NTRK3: variants seen among roughly 807,000 people sequenced by gnomAD.
NTRK3 encodes the protein neurotrophic receptor tyrosine kinase 3, also known as NT-3 growth factor receptor.
In NTRK3, 24 loss-of-function variants were observed where a neutral mutation model predicts 91.7. That is an observed-to-expected ratio of 0.26 (90% CI 0.19 to 0.37). The LOEUF (loss-of-function observed/expected upper bound fraction) is 0.37, where lower values mean the gene tolerates loss of function less well. NTRK3 is among the 10% of genes least tolerant of loss of function. The pLI, the probability that NTRK3 is intolerant of heterozygous loss-of-function variation, is 1.00. For synonymous variants in NTRK3, 483 were observed against 404.0 expected (o/e 1.20, Z -2.34); for missense variants, 880 against 1,068.9 (o/e 0.82, Z 2.46).
At chr15:87,977,705 G>A (rs2073846356) in intron 14 of NTRK3, 2 of 231,856 alleles carry the variant, frequency 8.6e-6, no homozygotes, top group Non-Finnish European at 8.5e-6. Flanking sequence ...GAGCCCTGGA[G>A]AGAACCTGAA....
intron 14 of NTRK3, among the ~76,000 whole-genome samples, chr15:88,009,103 A>C (rs1244000495): frequency 6.6e-6 from 1 of 152,222 alleles, no homozygotes; most frequent in East Asian, 1.9e-4. Flanking sequence ...CATGTTTTTG[A>C]GGCTTATAGC....
intron 14 of NTRK3, among the ~76,000 whole-genome samples, chr15:87,985,615 G>A (rs1190955591): frequency 6.6e-6 from 1 of 152,138 alleles, no homozygotes; most frequent in Admixed American, 6.6e-5. Context: ...GCATGCCACG[G>A]TTGCCAAGTC....
intron 15 of NTRK3, among the ~76,000 whole-genome samples, chr15:87,936,959 C>T (rs141463732): frequency 1.3e-3 from 204 of 152,294 alleles, no homozygotes; most frequent in South Asian, 0.012. Flanking sequence ...TCTCTCTTTG[C>T]GTCCTGTCCT....
intron 5 of NTRK3, among the ~76,000 whole-genome samples, chr15:88,177,806 T>C (rs1256370490): frequency 6.6e-6 from 1 of 152,230 alleles, no homozygotes; most frequent in Non-Finnish European, 1.5e-5. Flanking sequence ...CCAACATGTG[T>C]TGGGAGGAAA....
At chr15:88,183,012 A>ACCCCACCCCCC (rs2046632810) in intron 5 of NTRK3, among the ~76,000 whole-genome samples, 1 of 119,884 alleles carries the variant, frequency 8.3e-6, no homozygotes. Flanking sequence ...TCTTCTTGCA[A>ACCCCACCCCCC]CCCCCCCCCG....
At chr15:87,940,570 C>T (rs2069732344) in intron 15 of NTRK3, 53 bp downstream of exon 15, 7 of 1,612,088 alleles carry the variant, frequency 4.3e-6, no homozygotes, top group African/African-American at 4.0e-5. Context: ...TCCTTCCCTC[C>T]CTGGGCCCTC....
At chr15:88,047,599 C>A (rs2080346689) in intron 13 of NTRK3, among the ~76,000 whole-genome samples, 1 of 152,208 alleles carries the variant, frequency 6.6e-6, no homozygotes, top group Admixed American at 6.5e-5. Flanking sequence ...CACGGTACCT[C>A]CTCATCAAAA....
chr15:88,005,277 C>T (rs2141678447), intron 14 of NTRK3, among the ~76,000 whole-genome samples: 1 of 152,244 alleles, frequency 6.6e-6, no homozygotes, highest in African/African-American at 2.4e-5. Context: ...GCTTGACCCC[C>T]AGTTCATTCA....
chr15:87,982,062 C>G (rs76892178), intron 14 of NTRK3, among the ~76,000 whole-genome samples: 4,549 of 152,252 alleles, frequency 0.03, 246 homozygotes, highest in African/African-American at 0.1. Context: ...AGATCCGTGT[C>G]GGATCCATTA....
At chr15:87,971,635 C>T (rs2073260318) in intron 14 of NTRK3, among the ~76,000 whole-genome samples, 1 of 152,134 alleles carries the variant, frequency 6.6e-6, no homozygotes, top group Non-Finnish European at 1.5e-5. Flanking sequence ...TGCAGGGGTC[C>T]CCTGCGTCAC....
chr15:87,880,867 G>A (rs2065205173), intron 17 of NTRK3, among the ~76,000 whole-genome samples: 1 of 152,230 alleles, frequency 6.6e-6, no homozygotes, highest in South Asian at 2.1e-4. Context: ...CATCTGATCT[G>A]CAGAACTTTA....
intron 3 of NTRK3, among the ~76,000 whole-genome samples, chr15:88,214,571 A>G (rs558906284): frequency 6.6e-6 from 1 of 151,924 alleles, no homozygotes; most frequent in South Asian, 2.1e-4. Flanking sequence ...CAAGGACACT[A>G]CTGAACCTGG....
At chr15:88,035,548 C>G (rs1452742425) in intron 13 of NTRK3, among the ~76,000 whole-genome samples, 1 of 152,222 alleles carries the variant, frequency 6.6e-6, no homozygotes, top group South Asian at 2.1e-4. Flanking sequence ...AAGTCAAGCT[C>G]ATTCTGTGAT....
chr15:87,917,678 C>T (rs990449057), intron 17 of NTRK3, among the ~76,000 whole-genome samples: 4 of 152,140 alleles, frequency 2.6e-5, no homozygotes, highest in East Asian at 3.9e-4. Flanking sequence ...TGGCCTGGTG[C>T]CATTCTCCAG....
chr15:88,074,278 C>G (rs2047344950), intron 13 of NTRK3, among the ~76,000 whole-genome samples: 1 of 152,252 alleles, frequency 6.6e-6, no homozygotes, highest in Admixed American at 6.5e-5. Flanking sequence ...CAGGTGGCCT[C>G]TGGTCCAGCT....
chr15:87,873,136 C>T (rs2064866450), exon 19 of NTRK3: 1 of 232,220 alleles, frequency 4.3e-6, no homozygotes, highest in South Asian at 1.8e-4. Context: ...ACCAAAATGA[C>T]TTGCACTAGT....
chr15:87,924,017 G>A (rs1204065708), intron 17 of NTRK3, among the ~76,000 whole-genome samples: 2 of 151,874 alleles, frequency 1.3e-5, no homozygotes, highest in African/African-American at 4.8e-5. Context: ...CCCATTCTGT[G>A]GTATTCTGTT....
intron 5 of NTRK3, among the ~76,000 whole-genome samples, chr15:88,179,470 A>C (rs1349601094): frequency 1.3e-5 from 2 of 152,174 alleles, no homozygotes; most frequent in African/African-American, 2.4e-5. Context: ...ATGAGAATTC[A>C]ATGAGATAAT....
At chr15:88,150,016 C>G (rs1414416310) in intron 5 of NTRK3, among the ~76,000 whole-genome samples, 1 of 152,224 alleles carries the variant, frequency 6.6e-6, no homozygotes, top group African/African-American at 2.4e-5. Context: ...CCGTCCCCTG[C>G]CTTTAGCTCC....
Sources: allele counts gnomAD v4.1 joint callset (sites outside exome capture counted in the v4.1 genomes callset), GRCh38; gene constraint gnomAD v4.1.1; transcripts MANE v1.5; gene names NCBI Gene and HGNC (gene_info 2026-07-23, HGNC 2026-07-21).